Variants in ZNF765 observed in about 807,000 individuals in gnomAD.
ZNF765 encodes zinc finger protein 765.
Under a neutral mutation model 44.7 loss-of-function variants are expected in ZNF765, and 37 were observed. The observed-to-expected ratio is 0.83, with a 90% confidence interval of 0.64 to 1.09. ZNF765 has a LOEUF of 1.09. ZNF765 is among the 50% of genes least tolerant of loss of function. ZNF765 has a pLI of 0.00. For synonymous variants in ZNF765, 201 were observed against 213.7 expected (o/e 0.94, Z 0.52); for missense variants, 594 against 626.1 (o/e 0.95, Z 0.55).
In ZNF765 at chr19:53,408,788, CA is replaced by C; in HGVS notation, c.1235del (p.Lys412SerfsTer13). On this transcript the variant is annotated frameshift_variant, in exon 4 of 4. Transcript: ENST00000396408. LOFTEE classifies it high-confidence loss of function. Reference protein sequence around the residue: ...RRLHTEEKPYKCNECGKTFNQ... With the variant: ...RRLHTEEKPYXCNECGKTFNQ... ...GACTTCATACTGAAGAGAAACCTTA[CA>C]AGTGTAATGAGTGTGGCAAGACCTT... The C allele has an allele frequency of 6.2e-7, 1 of 1,614,152 alleles. No individual in the cohort carries two copies. The highest frequency in any genetic ancestry group is 2.2e-5 in the East Asian group (1 of 44,886).
intron 3 of ZNF765, among the ~76,000 whole-genome samples, chr19:53,405,418 A>G (rs2085764529): frequency 6.6e-6 from 1 of 152,002 alleles, no homozygotes; most frequent in South Asian, 2.1e-4. Context: ...CTCAAACACA[A>G]ACAAAAAGAG....
downstream of ZNF765, chr19:53,413,155 C>T (rs1378993890): frequency 5.5e-6 from 3 of 549,304 alleles, no homozygotes; most frequent in Non-Finnish European, 1.0e-5. Flanking sequence ...CTTCCTCTCT[C>T]CCCTTGTGGT....
At chr19:53,403,534 C>T (rs766704091) in intron 3 of ZNF765, among the ~76,000 whole-genome samples, 7 of 152,192 alleles carry the variant, frequency 4.6e-5, no homozygotes, top group East Asian at 1.9e-4. Context: ...TCACCGCAGC[C>T]GGCTCCGCCT....
At chr19:53,413,248 A>C (rs964257983), downstream of ZNF765, 12 of 595,934 alleles carry the variant, frequency 2.0e-5, no homozygotes, top group Admixed American at 1.3e-4. Context: ...CAAAAGCAAA[A>C]CCGTTCCATT....
chr19:53,396,222 G>A (rs1176077903), intron 1 of ZNF765, among the ~76,000 whole-genome samples: 7 of 151,654 alleles, frequency 4.6e-5, no homozygotes, highest in Non-Finnish European at 1.0e-4. Flanking sequence ...GACACCTGGG[G>A]ATCTGGGGTG....
chr19:53,398,168 C>A, intron 2 of ZNF765, 138 bp downstream of exon 2: 1 of 1,504,676 alleles, frequency 6.6e-7, no homozygotes. Context: ...CCTTCATTCC[C>A]TCTTATCTTG....
At chr19:53,396,368 G>A (rs954944097) in intron 1 of ZNF765, among the ~76,000 whole-genome samples, 3 of 152,188 alleles carry the variant, frequency 2.0e-5, no homozygotes, top group African/African-American at 7.2e-5. Flanking sequence ...GTTTATTTAA[G>A]GTACGCACCG....
Position 53,408,344 on chromosome 19 carries a change from A to T in ZNF765, c.789A>T (p.Arg263Ser). 1 of 1,614,236 alleles carries T rather than the reference A, an allele frequency of 6.2e-7. No homozygotes were observed. Among genetic ancestry groups the T allele is most frequent in the Non-Finnish European group, 8.5e-7 (1 of 1,180,036 alleles). The change falls in exon 4 of 4, where the codon AGA becomes AGT. Residue 263 changes from arginine to serine, a missense_variant. By Grantham distance (110) the Arg-to-Ser change is moderately radical. This residue lies in a region of ZNF765 where 567 missense variants were observed against 572.6 expected (regional missense o/e 0.99). Coordinates refer to ENST00000396408, the MANE Select transcript of ZNF765 (RefSeq NM_001040185.3). The stretch of plus-strand genomic sequence containing the variant: ...AGCGATACGTTGCACGCCATCGTAG[A>T]TGTCACACTGGTGAGAAACCTTACA... Reference protein sequence around the residue: ...NSKRYVARHRRCHTGEKPYKC... With the variant: ...NSKRYVARHRSCHTGEKPYKC...
In ZNF765 at chr19:53,409,245, C is replaced by T. The variant is rs540386246; in HGVS notation, c.*118C>T. ...ACAAAGCTTACAATTTCAAATCAAA[C>T]CTTGAAATACATCAGAAAATTCGTA... On this transcript the variant is annotated 3_prime_UTR_variant, in exon 4 of 4. Transcript: ENST00000396408. The T allele has an allele frequency of 3.7e-5, 43 of 1,148,086 alleles. No homozygotes were observed. In the African/African-American group the frequency reaches 6.2e-4, roughly 16 times the overall value. 71.1% of individuals were successfully genotyped at this position (1,148,086 alleles called of 1,614,324 possible).
At chr19:53,400,394 A>C (rs554866974) in intron 2 of ZNF765, among the ~76,000 whole-genome samples, 12 of 152,154 alleles carry the variant, frequency 7.9e-5, no homozygotes, top group African/African-American at 2.9e-4. Context: ...TACTACAGAT[A>C]TCTCACGATT....
downstream of ZNF765, among the ~76,000 whole-genome samples, chr19:53,414,265 G>C (rs1424141289): frequency 2.1e-5 from 2 of 95,420 alleles, no homozygotes; most frequent in Non-Finnish European, 2.3e-5. Flanking sequence ...GAAACTTGCA[G>C]CAAACATGGT....
chr19:53,414,471 A>C (rs1600064101), downstream of ZNF765, among the ~76,000 whole-genome samples: 2 of 5,452 alleles, frequency 3.7e-4, no homozygotes, highest in African/African-American at 2.6e-3. Flanking sequence ...ACACACACAC[A>C]CACACACACA....
intron 2 of ZNF765, among the ~76,000 whole-genome samples, chr19:53,400,747 T>A (rs1359775053): frequency 8.0e-6 from 1 of 124,744 alleles, no homozygotes; most frequent in Non-Finnish European, 1.8e-5. Context: ...TCTGTGTAGG[T>A]TTCATTATTT....
chr19:53,426,523 C>G (rs563618274), exon 4 of ZNF765: 3 of 152,546 alleles, frequency 2.0e-5, no homozygotes, highest in Non-Finnish European at 4.4e-5. Flanking sequence ...GGGATCCCCA[C>G]CCCTGGGCTG....
Position 53,419,231 on chromosome 19 carries a change from TAGAA to T in ZNF765, c.143-3827_143-3824del, listed in dbSNP as rs1279376915. ...GGTTCAGCCTACTTTACACAAATCATAGAAAGAGTTTTAAGGATAATTAGAAGTA... is the reference window on the plus strand; with the variant it reads ...GGTTCAGCCTACTTTACACAAATCATAGAGTTTTAAGGATAATTAGAAGTA... On this transcript the variant is annotated intron_variant, in intron 3 of 3. Coordinates refer to the ZNF765 transcript ENST00000594030. Among the ~76,000 whole-genome samples, 4 of 152,282 alleles carry T rather than the reference TAGAA, an allele frequency of 2.6e-5. No homozygotes were observed. The East Asian group carries it at 7.7e-4, about 29-fold the overall frequency.
rs538462070 is a variant in ZNF765 at position 53,418,258 on chromosome 19, G to A, written c.143-4804G>A. ...CTACTGAAAATAGAAAAAATTAGCC[G>A]GGCGTGGTGGCGGGTGCCTGTAGTC... On this transcript the variant is annotated intron_variant, in intron 3 of 3. Coordinates refer to the ZNF765 transcript ENST00000594030. 8.5e-5 allele frequency among the ~76,000 whole-genome samples: 13 copies of A among 152,204 alleles called. No homozygotes were observed. The East Asian group carries it at 1.2e-3, about 14-fold the overall frequency.
chr19:53,418,910 GAA>G (rs34443506), intron 3 of ZNF765, among the ~76,000 whole-genome samples: 7,365 of 96,682 alleles, frequency 0.076, 500 homozygotes, highest in African/African-American at 0.2. Flanking sequence ...GTTGTGGGAG[GAA>G]AAAAAAAAAA....
intron 2 of ZNF765, chr19:53,401,812 G>T: frequency 1.1e-6 from 1 of 885,080 alleles, no homozygotes; most frequent in Non-Finnish European, 1.7e-6. Context: ...GGACTTGGAG[G>T]TTGCATTGAG....
Position 53,408,508 on chromosome 19 carries a change from G to C in ZNF765, c.953G>C (p.Arg318Thr), listed in dbSNP as rs779199311. Reference protein sequence around the residue: ...FHFKSKLQIHRRIHTGEKPYK... With the variant: ...FHFKSKLQIHTRIHTGEKPYK... ...TTCAAATCAAAGCTTCAAATACATA[G>C]GAGAATTCATACTGGAGAGAAACCG... The change falls in exon 4 of 4, where the codon AGG becomes ACG. Residue 318 changes from arginine to threonine, a missense_variant. Physicochemically the swap from Arg to Thr is moderately conservative, Grantham distance 71 (BLOSUM62 -1). Around this residue, in one of 2 missense-constraint regions of ZNF765, gnomAD observed 567 missense variants for 572.6 expected, o/e 0.99. Coordinates refer to ENST00000396408, the MANE Select transcript of ZNF765 (RefSeq NM_001040185.3). The C allele has an allele frequency of 6.2e-6, 10 of 1,612,292 alleles. No individual in the cohort carries two copies. The highest frequency in any genetic ancestry group is 2.7e-5 in the African/African-American group (2 of 74,596).
Sources: allele counts gnomAD v4.1 joint callset (sites outside exome capture counted in the v4.1 genomes callset), GRCh38; gene constraint gnomAD v4.1.1; regional missense constraint gnomAD v4.1.1; transcripts MANE v1.5; gene names NCBI Gene and HGNC (gene_info 2026-07-23, HGNC 2026-07-21).